Variants in KMO observed in about 807,000 individuals in gnomAD.
KMO encodes kynurenine 3-hydroxylase.
Under a neutral mutation model 57.8 loss-of-function variants are expected in KMO, and 24 were observed. The observed-to-expected ratio is 0.42, with a 90% CI of 0.30 to 0.58. The LOEUF is 0.58. Ranked by LOEUF, KMO falls within the 20% of genes least tolerant of loss-of-function variation. KMO has a pLI of 0.22. For missense variants in KMO, 483 were observed against 588.2 expected, an observed-to-expected ratio of 0.82 and a Z score of 1.85; for synonymous variants, 210 against 193.6, an observed-to-expected ratio of 1.08 and a Z score of -0.70.
At position 241,551,029 on chromosome 1, in the gene KMO, T is replaced by C. The variant is rs201808264; in HGVS notation, c.297T>C (p.Tyr99=). 8 of 1,556,918 alleles carry C rather than the reference T, an allele frequency of 5.1e-6. No individual in the cohort carries two copies. The highest frequency in any genetic ancestry group is 2.3e-5 in the East Asian group (1 of 42,988). ...SLSGKKSAIP[Y]GTKSQYILSV... Reference sequence around the variant, plus strand: ...CAGGAAAAAAGTCTGCAATTCCCTATGGGACAAAGTCTCAGGTAGGTTTAC... The same window carrying C: ...CAGGAAAAAAGTCTGCAATTCCCTACGGGACAAAGTCTCAGGTAGGTTTAC... The change falls in exon 4 of 15, where the codon TAT becomes TAC. Residue 99 remains tyrosine, a synonymous_variant. Coordinates refer to ENST00000366559, the MANE Select transcript of KMO (RefSeq NM_003679.5).
intron 4 of KMO, among the ~76,000 whole-genome samples, chr1:241,554,331 C>T (rs1163407709): frequency 6.6e-6 from 1 of 151,272 alleles, no homozygotes; most frequent in Non-Finnish European, 1.5e-5. Context: ...GTCATCCAGG[C>T]TGAAGTGCAG....
intron 1 of KMO, among the ~76,000 whole-genome samples, chr1:241,537,952 GAGA>G (rs1367203001): frequency 2.6e-5 from 4 of 152,144 alleles, no homozygotes; most frequent in African/African-American, 7.2e-5. Context: ...TTGCAGTAAA[GAGA>G]AGATTTTATT....
chr1:241,588,226 C>T (rs1198892560), intron 11 of KMO, among the ~76,000 whole-genome samples: 1 of 150,872 alleles, frequency 6.6e-6, no homozygotes, highest in Non-Finnish European at 1.5e-5. Flanking sequence ...AAAGTAAGTT[C>T]ATAGTATATG....
rs1231908911 is a variant in KMO at position 241,592,048 on chromosome 1, C to T, written c.1356C>T (p.Arg452=). The T allele has an allele frequency of 6.2e-7, 1 of 1,613,900 alleles. No homozygotes were observed. ...IHYMSPRSFL[R]LRRPWNWIAH... is the part of the protein sequence containing the mutation. ...ACATGTCACCACGATCTTTCCTCCG[C>T]TTGAGAAGACCATGGAACTGGATAG... The change falls in exon 15 of 15, where the codon CGC becomes CGT. Residue 452 remains arginine, a synonymous_variant. Coordinates refer to ENST00000366559, the MANE Select transcript of KMO (RefSeq NM_003679.5).
intron 2 of KMO, among the ~76,000 whole-genome samples, chr1:241,549,214 A>AAAGG (rs1558414760): frequency 1.6e-4 from 1 of 6,062 alleles, no homozygotes; most frequent in African/African-American, 2.8e-4. Context: ...AGAAAGAAAG[A>AAAGG]AAGAAAGAAA....
intron 1 of KMO, among the ~76,000 whole-genome samples, chr1:241,535,252 G>GT (rs1011596132): frequency 1.1e-4 from 17 of 150,272 alleles, no homozygotes; most frequent in African/African-American, 3.2e-4. Flanking sequence ...ATCTTCTTCT[G>GT]TTTTTTTTTC....
At chr1:241,553,420 C>G (rs1044865459) in intron 4 of KMO, among the ~76,000 whole-genome samples, 13 of 152,192 alleles carry the variant, frequency 8.5e-5, no homozygotes, top group African/African-American at 2.2e-4. Flanking sequence ...AGCACAGTGG[C>G]TGACACCTGT....
chr1:241,545,377 CTT>C (rs1464136588), intron 1 of KMO, among the ~76,000 whole-genome samples: 1 of 152,122 alleles, frequency 6.6e-6, no homozygotes, highest in Non-Finnish European at 1.5e-5. Flanking sequence ...ACAGAAATGT[CTT>C]GTCTCACAGT....
chr1:241,542,434 A>G (rs1039878312), intron 1 of KMO, among the ~76,000 whole-genome samples: 2 of 152,242 alleles, frequency 1.3e-5, no homozygotes, highest in African/African-American at 4.8e-5. Flanking sequence ...TAATTATGTA[A>G]CCAAGGAATG....
At chr1:241,590,401 T>C (rs1663215181) in intron 14 of KMO, 138 bp downstream of exon 14, 1 of 709,508 alleles carries the variant, frequency 1.4e-6, no homozygotes, top group Non-Finnish European at 2.4e-6. Context: ...GAAACTGTCC[T>C]GAGTACAGAG....
At chr1:241,549,041 A>G (rs944802345) in intron 2 of KMO, 143 bp downstream of exon 2, 2 of 569,040 alleles carry the variant, frequency 3.5e-6, no homozygotes, top group Non-Finnish European at 3.2e-6. Flanking sequence ...TCTACAAAAA[A>G]TACAAAAATT....
At chr1:241,559,078 C>T (rs1390391677) in intron 5 of KMO, among the ~76,000 whole-genome samples, 2 of 149,018 alleles carry the variant, frequency 1.3e-5, no homozygotes, top group Admixed American at 1.3e-4. Flanking sequence ...CCATCCTGGG[C>T]GACAAGAGTG....
chr1:241,587,249 G>T (rs889702345), intron 11 of KMO, among the ~76,000 whole-genome samples: 2 of 152,172 alleles, frequency 1.3e-5, no homozygotes, highest in Non-Finnish European at 2.9e-5. Flanking sequence ...GTTCACAATA[G>T]GGTTCACGCT....
intron 10 of KMO, among the ~76,000 whole-genome samples, chr1:241,571,864 CT>C (rs34450394): frequency 0.028 from 2,658 of 96,378 alleles, 17 homozygotes; most frequent in African/African-American, 0.056. Flanking sequence ...ATATTAGTTC[CT>C]TTTTTTTTTT....
intron 2 of KMO, among the ~76,000 whole-genome samples, chr1:241,549,206 A>AAGG (rs1558414739): frequency 0.054 from 821 of 15,196 alleles, 13 homozygotes; most frequent in African/African-American, 0.14. Context: ...GAAAAGGAAG[A>AAGG]AAGAAAGAAA....
At chr1:241,537,849 C>T (rs531990232) in intron 1 of KMO, among the ~76,000 whole-genome samples, 98 of 152,220 alleles carry the variant, frequency 6.4e-4, no homozygotes, top group African/African-American at 2.2e-3. Flanking sequence ...AATTACCTAC[C>T]GCTGGGTCCC....
intron 8 of KMO, among the ~76,000 whole-genome samples, chr1:241,565,558 TAAAAAAAAAA>T (rs56260608): frequency 7.8e-6 from 1 of 128,970 alleles, no homozygotes; most frequent in African/African-American, 3.0e-5. Flanking sequence ...TTGCCTCTAC[TAAAAAAAAAA>T]AAAAAAAAAA....
chr1:241,562,383 C>T (rs746475798), intron 7 of KMO, 51 bp downstream of exon 7: 53 of 1,565,922 alleles, frequency 3.4e-5, no homozygotes, highest in Non-Finnish European at 4.2e-5. Flanking sequence ...GCTCCATGAG[C>T]GCGAATGCGT....
intron 7 of KMO, among the ~76,000 whole-genome samples, chr1:241,562,776 C>T (rs535610260): frequency 6.6e-6 from 1 of 151,962 alleles, no homozygotes; most frequent in African/African-American, 2.4e-5. Flanking sequence ...GAGGTCAAGG[C>T]TGCAGTGAGC....
Sources: gnomAD v4.1 joint callset for allele counts (sites outside exome capture counted in the v4.1 genomes callset) on GRCh38, gnomAD v4.1.1 for gene constraint, MANE v1.5 for transcripts, NCBI Gene and HGNC (gene_info 2026-07-23, HGNC 2026-07-21) for gene names.